HS3ST5: variants seen among roughly 807,000 people sequenced by gnomAD.
HS3ST5 encodes heparan sulfate glucosamine 3-O-sulfotransferase 5.
In HS3ST5, 10 loss-of-function variants were observed where a neutral mutation model predicts 25.4. That is an observed-to-expected ratio of 0.39 (90% CI 0.24 to 0.67). The LOEUF (loss-of-function observed/expected upper bound fraction) is 0.67. HS3ST5 is among the 30% of genes least tolerant of loss of function. The pLI, the probability that HS3ST5 is intolerant of heterozygous loss-of-function variation, is 0.44. For missense variants in HS3ST5, 324 were observed against 420.7 expected, an observed-to-expected ratio of 0.77 and a Z score of 2.01; for synonymous variants, 170 against 162.4, an observed-to-expected ratio of 1.05 and a Z score of -0.36.
At chr6:114,286,805 T>G (rs893088201) in intron 1 of HS3ST5, among the ~76,000 whole-genome samples, 6 of 151,986 alleles carry the variant, frequency 3.9e-5, no homozygotes, top group Non-Finnish European at 7.4e-5. Flanking sequence ...CAACAAATGA[T>G]AAAAGTCTGT....
chr6:114,285,001 A>G (rs557310407), intron 1 of HS3ST5, among the ~76,000 whole-genome samples: 1 of 152,148 alleles, frequency 6.6e-6, no homozygotes, highest in South Asian at 2.1e-4. Context: ...TTTTCAAGCA[A>G]ATGCCATTTT....
chr6:114,109,732 A>C (rs1776173938), intron 3 of HS3ST5, among the ~76,000 whole-genome samples: 1 of 152,208 alleles, frequency 6.6e-6, no homozygotes, highest in African/African-American at 2.4e-5. Context: ...TTGCAGTCTT[A>C]GAGCGTACTG....
intron 1 of HS3ST5, among the ~76,000 whole-genome samples, chr6:114,323,362 G>A (rs1268615137): frequency 6.6e-6 from 1 of 152,072 alleles, no homozygotes; most frequent in Non-Finnish European, 1.5e-5. Context: ...ATTTTTATGT[G>A]TTGGGGGTGA....
chr6:114,277,963 T>G (rs1249016269), intron 1 of HS3ST5, among the ~76,000 whole-genome samples: 3 of 152,004 alleles, frequency 2.0e-5, no homozygotes, highest in African/African-American at 2.4e-5. Flanking sequence ...GTCACCCTAA[T>G]TATCACTGAT....
chr6:114,337,686 C>A (rs1776662505), intron 1 of HS3ST5, among the ~76,000 whole-genome samples: 1 of 152,244 alleles, frequency 6.6e-6, no homozygotes, highest in East Asian at 1.9e-4. Flanking sequence ...CAGAAGAATT[C>A]ACTAGAAGTT....
intron 2 of HS3ST5, among the ~76,000 whole-genome samples, chr6:114,200,827 C>T (rs1464411359): frequency 6.6e-6 from 1 of 152,148 alleles, no homozygotes; most frequent in Non-Finnish European, 1.5e-5. Context: ...ATGCAAGCAA[C>T]ATTTCTCATT....
At position 114,102,902 on chromosome 6, in the gene HS3ST5, T is replaced by A. The variant is rs925301922; in HGVS notation, c.-32-40025A>T. 1.2e-4 allele frequency among the ~76,000 whole-genome samples: 18 copies of A among 152,206 alleles called. No individual in the cohort carries two copies. The East Asian group carries it at 3.3e-3, about 28-fold the overall frequency. On this transcript the variant is annotated intron_variant, in intron 3 of 4. Transcript: ENST00000312719. Reference sequence around the variant, plus strand: ...TAAAATTTTAAACCTCAAATAAAAATTTTTCTTCAGATTCTACACTTCCAG... The same window carrying A: ...TAAAATTTTAAACCTCAAATAAAAAATTTTCTTCAGATTCTACACTTCCAG...
intron 2 of HS3ST5, among the ~76,000 whole-genome samples, chr6:114,202,534 T>C (rs1781075411): frequency 6.6e-6 from 1 of 152,158 alleles, no homozygotes; most frequent in Non-Finnish European, 1.5e-5. Context: ...AGTTTGAAAC[T>C]AGCAGCAGGT....
intron 2 of HS3ST5, among the ~76,000 whole-genome samples, chr6:114,215,171 T>C (rs1229285123): frequency 6.6e-6 from 1 of 151,750 alleles, no homozygotes; most frequent in Non-Finnish European, 1.5e-5. Flanking sequence ...CCAGGCGTCG[T>C]GGCGGGCCCC....
chr6:114,124,060 A>G (rs188697503), intron 3 of HS3ST5, among the ~76,000 whole-genome samples: 69 of 152,198 alleles, frequency 4.5e-4, no homozygotes, highest in African/African-American at 8.9e-4. Flanking sequence ...GTATCTTGCC[A>G]TAAAGATCTT....
At chr6:114,080,027 C>T (rs955935238) in intron 3 of HS3ST5, among the ~76,000 whole-genome samples, 3 of 152,132 alleles carry the variant, frequency 2.0e-5, no homozygotes, top group Admixed American at 1.3e-4. Flanking sequence ...TCCGCCCGCC[C>T]CAGCCTTCCA....
intron 1 of HS3ST5, among the ~76,000 whole-genome samples, chr6:114,304,362 C>A (rs552360058): frequency 2.2e-4 from 33 of 152,124 alleles, no homozygotes; most frequent in African/African-American, 7.2e-4. Flanking sequence ...AAAGGGCTAC[C>A]ACAGAAATAA....
chr6:114,317,221 T>C (rs914452150), intron 1 of HS3ST5, among the ~76,000 whole-genome samples: 1 of 152,170 alleles, frequency 6.6e-6, no homozygotes, highest in African/African-American at 2.4e-5. Context: ...TGTGAAAACA[T>C]AAATAATTTT....
At chr6:114,088,395 C>CT (rs147003711) in intron 3 of HS3ST5, among the ~76,000 whole-genome samples, 2,589 of 143,184 alleles carry the variant, frequency 0.018, 20 homozygotes, top group Non-Finnish European at 0.021. Flanking sequence ...ATGATCTTCT[C>CT]TTTTTTTTTT....
chr6:114,153,639 T>C (rs1292947963), intron 3 of HS3ST5, among the ~76,000 whole-genome samples: 3 of 152,208 alleles, frequency 2.0e-5, no homozygotes, highest in Non-Finnish European at 2.9e-5. Context: ...ATGATAGAAG[T>C]GGCAGTGTGG....
chr6:114,134,613 G>A (rs1777503073), intron 3 of HS3ST5, among the ~76,000 whole-genome samples: 1 of 152,100 alleles, frequency 6.6e-6, no homozygotes. Context: ...TACCTGCTCG[G>A]GCCTTACCCC....
At chr6:114,187,083 A>C (rs947688984) in intron 2 of HS3ST5, among the ~76,000 whole-genome samples, 8 of 152,180 alleles carry the variant, frequency 5.3e-5, no homozygotes, top group Non-Finnish European at 8.8e-5. Flanking sequence ...TAATACACCT[A>C]GTCACCCAAG....
intron 3 of HS3ST5, among the ~76,000 whole-genome samples, chr6:114,107,617 G>C (rs2114839430): frequency 6.6e-6 from 1 of 152,304 alleles, no homozygotes; most frequent in Non-Finnish European, 1.5e-5. Flanking sequence ...TACATAGAAA[G>C]ACTGATGGAA....
intron 2 of HS3ST5, among the ~76,000 whole-genome samples, chr6:114,215,053 C>A (rs1186244611): frequency 6.6e-6 from 1 of 152,148 alleles, no homozygotes; most frequent in Non-Finnish European, 1.5e-5. Flanking sequence ...TGCCTGTAAT[C>A]CCAGCAGTTT....
Sources: gnomAD v4.1 joint callset for allele counts (sites outside exome capture counted in the v4.1 genomes callset) on GRCh38, gnomAD v4.1.1 for gene constraint, MANE v1.5 for transcripts, NCBI Gene and HGNC (gene_info 2026-07-23, HGNC 2026-07-21) for gene names.